The following GPR141 variants were observed in gnomAD, a reference collection of about 807,000 sequenced individuals.
GPR141 encodes the protein G protein-coupled receptor 141, also known as probable G protein-coupled receptor 141.
In GPR141, 6 loss-of-function variants were observed where a neutral mutation model predicts 6.8. That is an observed-to-expected ratio of 0.88 (90% confidence interval 0.48 to 1.74). The LOEUF is 1.74. GPR141 is among the 40% of genes most tolerant of loss of function. The probability of loss-of-function intolerance (pLI) is 0.01; values close to 1 mark genes in which losing one functional copy is unlikely to be tolerated. For synonymous variants in GPR141, 140 were observed against 142.3 expected, an observed-to-expected ratio of 0.98 and a Z score of 0.11; for missense variants, 372 against 372.9, an observed-to-expected ratio of 1.00 and a Z score of 0.02.
At chr7:37,714,583 A>G (rs568503892) in intron 2 of GPR141, among the ~76,000 whole-genome samples, 88 of 152,334 alleles carry the variant, frequency 5.8e-4, no homozygotes, top group African/African-American at 2.0e-3. Context: ...TTCTTGGACA[A>G]TTTAAGTTAA....
Position 37,694,026 on chromosome 7 carries a change from T to C in GPR141, c.-15+8443T>C, listed in dbSNP as rs113865833. ...ATATAGGGCACTGTTTCGGCTTAGG[T>C]GCTGCAGGGTATGACCACTTCAGAC... On this transcript the variant is annotated intron_variant, in intron 2 of 2. Transcript: ENST00000334425. Among the ~76,000 whole-genome samples, 1,199 of 152,240 alleles carry C rather than the reference T, an allele frequency of 7.9e-3. 22 individuals carry two copies. Among genetic ancestry groups the C allele is most frequent in the African/African-American group, 0.027 (1,125 of 41,518 alleles).
intron 2 of GPR141, among the ~76,000 whole-genome samples, chr7:37,730,818 G>A (rs1240387603): frequency 6.6e-6 from 1 of 152,232 alleles, no homozygotes; most frequent in Non-Finnish European, 1.5e-5. Context: ...GGTATTGGAA[G>A]CATTTCTGAG....
chr7:37,705,788 G>A (rs1246678790), intron 2 of GPR141, among the ~76,000 whole-genome samples: 3 of 152,140 alleles, frequency 2.0e-5, no homozygotes, highest in Admixed American at 1.3e-4. Flanking sequence ...TGAGAACCAC[G>A]TGTCACTATT....
At chr7:37,692,092 A>G (rs1268233724) in intron 2 of GPR141, among the ~76,000 whole-genome samples, 1 of 152,000 alleles carries the variant, frequency 6.6e-6, no homozygotes, top group Non-Finnish European at 1.5e-5. Context: ...GGTTTGCTGC[A>G]CCCATTGACC....
chr7:37,721,536 C>T (rs940742758), intron 2 of GPR141, among the ~76,000 whole-genome samples: 2 of 152,180 alleles, frequency 1.3e-5, no homozygotes, highest in Admixed American at 1.3e-4. Flanking sequence ...AACGGCTTTC[C>T]CTTTGGTGGT....
At position 37,688,641 on chromosome 7, in the gene GPR141, C is replaced by T. The variant is rs115490332; in HGVS notation, c.-15+3058C>T. Reference sequence around the variant, plus strand: ...CCTCTCTCCTCCTTGCCTTCACTTCCACAATTTCAGGTTCTTCTCCGCACA... The same window carrying T: ...CCTCTCTCCTCCTTGCCTTCACTTCTACAATTTCAGGTTCTTCTCCGCACA... On this transcript the variant is annotated intron_variant, in intron 2 of 2. Transcript: ENST00000334425. Among the ~76,000 whole-genome samples the T allele has an allele frequency of 3.2e-3, 481 of 152,216 alleles. 5 individuals are homozygous for T. Among genetic ancestry groups the T allele is most frequent in the African/African-American group, 0.011 (444 of 41,490 alleles).
intron 2 of GPR141, among the ~76,000 whole-genome samples, chr7:37,719,391 GTT>G (rs1714139632): frequency 6.6e-6 from 1 of 152,212 alleles, no homozygotes; most frequent in Non-Finnish European, 1.5e-5. Context: ...TTGGCAAGAA[GTT>G]TCCTGATAAT....
At position 37,743,129 on chromosome 7, in the gene GPR141, A is replaced by G. The variant is rs960422008; in HGVS notation, c.*1818A>G. On this transcript the variant is annotated 3_prime_UTR_variant, in exon 3 of 3. Transcript: ENST00000334425. Reference sequence around the variant, plus strand: ...ATATTTAATGCTGCAGAAAACCTGAAGTGATTAGTAACATGAATAGAATAA... The same window carrying G: ...ATATTTAATGCTGCAGAAAACCTGAGGTGATTAGTAACATGAATAGAATAA... Among the ~76,000 whole-genome samples the G allele has an allele frequency of 4.6e-5, 7 of 152,154 alleles. No individual in the cohort carries two copies. The highest frequency in any genetic ancestry group is 2.9e-5 in the Non-Finnish European group (2 of 68,012).
Position 37,743,508 on chromosome 7 carries a change from A to T in GPR141, c.*2197A>T, listed in dbSNP as rs1162060769. Among the ~76,000 whole-genome samples, 6 of 151,472 alleles carry T rather than the reference A, an allele frequency of 4.0e-5. No individual in the cohort carries two copies. Among genetic ancestry groups the T allele is most frequent in the African/African-American group, 1.5e-4 (6 of 41,282 alleles). Reference sequence around the variant, plus strand: ...TAAAATTTGTAAGACCGTTACTAAGACCCCTGATAGTTTTAAGAAAATTTA... The same window carrying T: ...TAAAATTTGTAAGACCGTTACTAAGTCCCCTGATAGTTTTAAGAAAATTTA... On this transcript the variant is annotated 3_prime_UTR_variant, in exon 3 of 3. Transcript: ENST00000334425.
At chr7:37,709,169 G>C (rs558144976) in intron 2 of GPR141, among the ~76,000 whole-genome samples, 1 of 152,046 alleles carries the variant, frequency 6.6e-6, no homozygotes, top group Non-Finnish European at 1.5e-5. Flanking sequence ...AGAGATCATC[G>C]TACACAGAAA....
intron 2 of GPR141, among the ~76,000 whole-genome samples, chr7:37,723,941 T>A (rs193081160): frequency 6.6e-6 from 1 of 152,354 alleles, no homozygotes; most frequent in Non-Finnish European, 1.5e-5. Context: ...CATTTCAATA[T>A]CTGCAGACCT....
At chr7:37,718,879 G>A (rs1811176960) in intron 2 of GPR141, among the ~76,000 whole-genome samples, 1 of 152,222 alleles carries the variant, frequency 6.6e-6, no homozygotes, top group Non-Finnish European at 1.5e-5. Context: ...CAGCGACATA[G>A]AACTGAAGAT....
intron 2 of GPR141, among the ~76,000 whole-genome samples, chr7:37,715,283 G>T (rs746077968): frequency 4.3e-4 from 66 of 152,020 alleles, no homozygotes; most frequent in Non-Finnish European, 7.2e-4. Context: ...CACCAAACGT[G>T]TCTAATTCTT....
chr7:37,713,345 T>G (rs1294451829), intron 2 of GPR141: 1 of 152,200 alleles, frequency 6.6e-6, no homozygotes, highest in South Asian at 2.1e-4. Context: ...TTCTTAGAGA[T>G]CTCATTATGT....
intron 2 of GPR141, among the ~76,000 whole-genome samples, chr7:37,718,551 GGAAGGAAA>G (rs1811161723): frequency 1.4e-5 from 2 of 139,636 alleles, no homozygotes; most frequent in African/African-American, 5.1e-5. Context: ...AAGGAAGGAA[GGAAGGAAA>G]GAAAGAAGGA....
chr7:37,737,949 T>C (rs1812328214), intron 2 of GPR141, among the ~76,000 whole-genome samples: 1 of 152,222 alleles, frequency 6.6e-6, no homozygotes. Context: ...TCAAGATATG[T>C]TGGCATACAG....
intron 2 of GPR141, among the ~76,000 whole-genome samples, chr7:37,691,128 C>T (rs1182995757): frequency 6.6e-6 from 1 of 151,978 alleles, no homozygotes; most frequent in Non-Finnish European, 1.5e-5. Context: ...AGTATAGTTA[C>T]TCCTGCTCAC....
At chr7:37,711,073 G>A (rs1035481128) in intron 2 of GPR141, among the ~76,000 whole-genome samples, 2 of 152,166 alleles carry the variant, frequency 1.3e-5, no homozygotes, top group East Asian at 1.9e-4. Context: ...ACAGAGCTAC[G>A]GGGGTCTACT....
chr7:37,698,227 T>C (rs1810113764), intron 2 of GPR141, among the ~76,000 whole-genome samples: 1 of 152,198 alleles, frequency 6.6e-6, no homozygotes, highest in Non-Finnish European at 1.5e-5. Context: ...AAGAGAGTGA[T>C]ATCTAACTCA....
Sources: allele counts gnomAD v4.1 joint callset (sites outside exome capture counted in the v4.1 genomes callset), GRCh38; gene constraint gnomAD v4.1.1; transcripts MANE v1.5; gene names NCBI Gene and HGNC (gene_info 2026-07-23, HGNC 2026-07-21).